Variants in DYNC1H1 observed in about 807,000 individuals in gnomAD.
DYNC1H1 encodes dynein cytoplasmic 1 heavy chain 1.
Under a neutral mutation model 527.1 loss-of-function variants are expected in DYNC1H1, and 51 were observed. The observed-to-expected ratio is 0.10, with a 90% CI of 0.08 to 0.12. The LOEUF (loss-of-function observed/expected upper bound fraction) is 0.12. Ranked by LOEUF, DYNC1H1 falls within the 10% of genes least tolerant of loss-of-function variation. The probability of loss-of-function intolerance (pLI) is 1.00; values close to 1 mark genes in which losing one functional copy is unlikely to be tolerated. For missense variants in DYNC1H1, 2,771 were observed against 5,971.8 expected, an observed-to-expected ratio of 0.46 and a Z score of 17.66; for synonymous variants, 2,189 against 2,278.8, an observed-to-expected ratio of 0.96 and a Z score of 1.12.
intron 5 of DYNC1H1, 106 bp downstream of exon 5, chr14:101,980,656 C>G: frequency 7.6e-7 from 1 of 1,318,376 alleles, no homozygotes; most frequent in Admixed American, 2.2e-5. Context: ...GATGTACTGT[C>G]GTTTTTAACC....
chr14:102,026,761 A>T (rs1328654839), intron 44 of DYNC1H1, 54 bp downstream of exon 44: 1 of 1,597,688 alleles, frequency 6.3e-7, no homozygotes, highest in African/African-American at 1.3e-5. Flanking sequence ...CTCTTGAGTA[A>T]GTGTGTGTGC....
At chr14:102,034,703 C>T (rs2048551576) in intron 56 of DYNC1H1, 1 of 601,332 alleles carries the variant, frequency 1.7e-6, no homozygotes, top group East Asian at 3.1e-5. Context: ...CACAGTGGAT[C>T]ACGTGAGGTC....
chr14:101,975,685 A>C lies in DYNC1H1; in HGVS notation c.257-27A>C. 1.9e-6 allele frequency: 3 copies of C among 1,579,918 alleles called. No individual in the cohort carries two copies. The South Asian group carries it at 3.3e-5, about 18-fold the overall frequency. On this transcript the variant is annotated intron_variant, in intron 1 of 77. Coordinates refer to ENST00000360184, the MANE Select transcript of DYNC1H1 (RefSeq NM_001376.5). Reference sequence around the variant, plus strand: ...TAAGAAATTGGAAATGTTGATATTAATTTGATATATTTATTATGATTTGTA... The same window carrying C: ...TAAGAAATTGGAAATGTTGATATTACTTTGATATATTTATTATGATTTGTA...
chr14:102,045,954 C>T (rs1047915635), intron 72 of DYNC1H1, among the ~76,000 whole-genome samples: 8 of 152,156 alleles, frequency 5.3e-5, no homozygotes, highest in African/African-American at 1.9e-4. Flanking sequence ...ATCACAAGGT[C>T]AGGAGATGGA....
Position 102,006,002 on chromosome 14 carries a change from C to G in DYNC1H1, c.5548C>G (p.Gln1850Glu). Residue 1850 changes from glutamine (Q) to glutamate (E), a missense_variant, in exon 27 of 78, where the codon CAA becomes GAA. By Grantham distance (29) the Gln-to-Glu change is conservative. Coordinates refer to ENST00000360184, the MANE Select transcript of DYNC1H1 (RefSeq NM_001376.5). ...GATGCGATTTTACTTTGACCCTAAG[C>G]AAACTGATGTGTTACAGCAGTTGTC... ...SQMRFYFDPK[Q>E]TDVLQQLSIQ... 4 of 1,614,236 alleles carry G rather than the reference C, an allele frequency of 2.5e-6. No individual in the cohort carries two copies. The highest frequency in any genetic ancestry group is 3.4e-6 in the Non-Finnish European group (4 of 1,180,036).
chr14:101,966,796 A>G (rs1339203321), intron 1 of DYNC1H1, among the ~76,000 whole-genome samples: 2 of 152,098 alleles, frequency 1.3e-5, no homozygotes, highest in Non-Finnish European at 2.9e-5. Context: ...TTTTCCAGGC[A>G]TCTTAAAATT....
chr14:102,001,021 C>T lies in DYNC1H1; in HGVS notation c.4142C>T (p.Ala1381Val). 6.2e-7 allele frequency: 1 copy of T among 1,614,200 alleles called. No individual in the cohort carries two copies. Among genetic ancestry groups the T allele is most frequent in the Non-Finnish European group, 8.5e-7 (1 of 1,180,028 alleles). The stretch of plus-strand genomic sequence containing the variant: ...TTCCCTGCCCGGTTGCGACAGTATG[C>T]GTCCTATGAGTTTGTTCAGAGGCTT... ...KSFPARLRQYASYEFVQRLLK... is the reference protein window; with the variant it reads ...KSFPARLRQYVSYEFVQRLLK... The change falls in exon 19 of 78, where the codon GCG (alanine) becomes GTG (valine). Residue 1381 changes from alanine (A) to valine (V), a missense_variant. By Grantham distance (64) the Ala-to-Val change is moderately conservative. Around this residue, in one of 32 missense-constraint regions of DYNC1H1, gnomAD observed 223 missense variants for 462.5 expected, o/e 0.48. Transcript: ENST00000360184. This position sits in a 1 kb window ranked among gnomAD's most constrained non-coding sequence, Gnocchi z 5.0.
intron 1 of DYNC1H1, 32 bp from the exon 2 acceptor site, chr14:101,975,678 GAT>G (rs776136978): frequency 1.9e-6 from 3 of 1,562,570 alleles, no homozygotes; most frequent in Non-Finnish European, 2.6e-6. Flanking sequence ...TGGAAATGTT[GAT>G]ATTAATTTGA....
At position 101,987,758 on chromosome 14, in the gene DYNC1H1, A is replaced by G. The variant is rs2047952289; in HGVS notation, c.2718+126A>G. 4.4e-6 allele frequency: 5 copies of G among 1,132,286 alleles called. No individual in the cohort carries two copies. In the South Asian group the frequency reaches 5.3e-5, roughly 12 times the overall value. The allele number at this position is 1,132,286 out of a possible 1,614,324, so 70.1% of individuals were successfully genotyped here. ...ATCTGTGATAGTTCAATTCCCCTCC[A>G]AAATCTCATTTAACTAGTGATAGAA... On this transcript the variant is annotated intron_variant, in intron 9 of 77. Coordinates refer to ENST00000360184, the MANE Select transcript of DYNC1H1 (RefSeq NM_001376.5).
chr14:101,969,400 C>A (rs2141262246), intron 1 of DYNC1H1: 2 of 154,930 alleles, frequency 1.3e-5, no homozygotes, highest in African/African-American at 2.4e-5. Flanking sequence ...TTACTGTAAT[C>A]CACATTCACT....
chr14:102,006,856 TC>T, intron 27 of DYNC1H1, 151 bp from the exon 28 acceptor site: 1 of 766,860 alleles, frequency 1.3e-6, no homozygotes, highest in Non-Finnish European at 2.2e-6. Context: ...TGCCTCGGCC[TC>T]CCGAAGTGCT....
intron 57 of DYNC1H1, chr14:102,037,440 A>AG (rs958983261): frequency 3.3e-5 from 5 of 152,124 alleles, no homozygotes; most frequent in African/African-American, 4.8e-5. Flanking sequence ...AAAAAAAAAA[A>AG]AGAACAAGAA....
At chr14:101,984,270 A>T (rs1178673770) in intron 7 of DYNC1H1, among the ~76,000 whole-genome samples, 1 of 151,714 alleles carries the variant, frequency 6.6e-6, no homozygotes, top group Non-Finnish European at 1.5e-5. Context: ...GATTATAGGC[A>T]TGAGCCACCG....
intron 43 of DYNC1H1, among the ~76,000 whole-genome samples, chr14:102,024,553 G>C: frequency 6.6e-6 from 1 of 152,174 alleles, no homozygotes; most frequent in East Asian, 1.9e-4. Flanking sequence ...ACAAGGCAGA[G>C]CGCCTGATAG....
rs922859574 is a variant in DYNC1H1 at position 102,004,476 on chromosome 14, G to A, written c.4884-42G>A. On this transcript the variant is annotated intron_variant, in intron 23 of 77. Transcript: ENST00000360184. ...TCTTACCTTGATTCACCTTATATGT[G>A]TATATAATATTTTTGCAACTTGAGT... 1.9e-6 allele frequency: 3 copies of A among 1,573,300 alleles called. No individual in the cohort carries two copies. In the African/African-American group the frequency reaches 4.1e-5, roughly 21 times the overall value.
chr14:102,004,729 A>G, intron 24 of DYNC1H1, 33 bp from the exon 25 acceptor site: 1 of 1,614,154 alleles, frequency 6.2e-7, no homozygotes, highest in Non-Finnish European at 8.5e-7. Context: ...ACATTTTTGC[A>G]TACCTCATTT....
rs1449727761 is a variant in DYNC1H1 at position 102,033,585 on chromosome 14, C to T, written c.10413+101C>T. ...TGCACCATGCTGGCCTCGGTGAATT[C>T]GCTCTTTAACATCTGTAAGGCCCCG... On this transcript the variant is annotated intron_variant, in intron 54 of 77. Transcript: ENST00000360184. This position sits in a 1 kb window ranked among gnomAD's most constrained non-coding sequence, Gnocchi z 5.6. The T allele has an allele frequency of 1.5e-5, 22 of 1,464,976 alleles. No homozygotes were observed. In the East Asian group the frequency reaches 2.2e-4, roughly 15 times the overall value. 90.7% of individuals were successfully genotyped at this position (1,464,976 alleles called of 1,614,324 possible). A position where few individuals can be genotyped will look rare whatever the true frequency, so the allele number is the denominator to read the frequency against.
Position 102,047,639 on chromosome 14 carries a change from G to GTACATATATATATATATATA in DYNC1H1, c.13007-177_13007-176insACATATATATATATATATAT, listed in dbSNP as rs1287359925. ...TATACACGTGTGTGTGTGTGTGTGTGTGTATATATATATATATATATATAT... is the reference window on the plus strand; with the variant it reads ...TATACACGTGTGTGTGTGTGTGTGTGTACATATATATATATATATATGTATATATATATATATATATATAT... On this transcript the variant is annotated intron_variant, in intron 72 of 77. Coordinates refer to ENST00000360184, the MANE Select transcript of DYNC1H1 (RefSeq NM_001376.5). The GTACATATATATATATATATA allele has an allele frequency of 8.2e-5, 29 of 352,024 alleles. 1 individual carries two copies. The East Asian group carries it at 1.2e-3, about 14-fold the overall frequency. 21.8% of individuals were successfully genotyped at this position (352,024 alleles called of 1,614,324 possible).
Position 102,042,363 on chromosome 14 carries a change from ACT to A in DYNC1H1, c.12276-17_12276-16del, listed in dbSNP as rs2048662479. 6.2e-7 allele frequency: 1 copy of A among 1,613,922 alleles called. No individual in the cohort carries two copies. The highest frequency in any genetic ancestry group is 8.5e-7 in the Non-Finnish European group (1 of 1,180,014). ...GGCAGGCAGCCTGGCATGCTGTGTG[ACT>A]CTCACTTTGTGTGTGCAGGTGGGTG... On this transcript the variant is annotated intron_variant, in intron 67 of 77. Transcript: ENST00000360184. This position sits in a 1 kb window ranked among gnomAD's most constrained non-coding sequence, Gnocchi z 5.7.
Sources: gnomAD v4.1 joint callset for allele counts (sites outside exome capture counted in the v4.1 genomes callset) on GRCh38, gnomAD v4.1.1 for gene constraint, gnomAD v4.1.1 regional missense constraint, Gnocchi (gnomAD v3.1) non-coding constraint, MANE v1.5 for transcripts, NCBI Gene and HGNC (gene_info 2026-07-23, HGNC 2026-07-21) for gene names.